Variants in SLC66A3 observed in about 807,000 individuals in gnomAD.
The protein encoded by SLC66A3 is solute carrier family 66 member 3.
Under a neutral mutation model 25.5 loss-of-function variants are expected in SLC66A3, and 23 were observed. That is an observed-to-expected ratio of 0.90 (90% CI 0.65 to 1.28). The LOEUF (loss-of-function observed/expected upper bound fraction) is 1.28. Ranked by LOEUF, SLC66A3 falls within the 50% of genes most tolerant of loss-of-function variation. The probability of loss-of-function intolerance (pLI) is 0.00; values close to 1 mark genes in which losing one functional copy is unlikely to be tolerated. For synonymous variants in SLC66A3, 108 were observed against 112.6 expected (o/e 0.96, Z 0.26); for missense variants, 246 against 262.1 (o/e 0.94, Z 0.42).
chr2:11,158,332 A>G (rs565555765), intron 1 of SLC66A3, among the ~76,000 whole-genome samples: 1 of 150,240 alleles, frequency 6.7e-6, no homozygotes, highest in South Asian at 2.1e-4. Flanking sequence ...AGCCTTGCCA[A>G]CATGGTGAAA....
intron 1 of SLC66A3, among the ~76,000 whole-genome samples, chr2:11,157,112 C>T (rs1257351482): frequency 6.6e-6 from 1 of 152,204 alleles, no homozygotes; most frequent in East Asian, 1.9e-4. Context: ...CCTGCATTTC[C>T]ACCACTTTTG....
In SLC66A3 at chr2:11,178,000, T is replaced by TA; in HGVS notation, c.*173dup. 8.7e-6 allele frequency: 5 copies of TA among 575,418 alleles called. No individual in the cohort carries two copies. Among genetic ancestry groups the TA allele is most frequent in the Non-Finnish European group, 3.0e-6 (1 of 327,884 alleles). The allele number at this position is 575,418 out of a possible 1,614,324, so 35.6% of individuals were successfully genotyped here. The stretch of plus-strand genomic sequence containing the variant: ...AGCCACTTAAATTCTTGTTTAAAAA[T>TA]ACCAATTTGCCTCCTCCTTCCTCAC... On this transcript the variant is annotated 3_prime_UTR_variant, in exon 7 of 7. Coordinates refer to ENST00000295083, the MANE Select transcript of SLC66A3 (RefSeq NM_152391.5).
chr2:11,170,341 TTTCAGC>T (rs1226977384), intron 4 of SLC66A3, among the ~76,000 whole-genome samples: 1 of 152,006 alleles, frequency 6.6e-6, no homozygotes, highest in Non-Finnish European at 1.5e-5. Flanking sequence ...GAGACTGGAG[TTTCAGC>T]TGCTGAAGAG....
At chr2:11,173,797 A>T (rs1458340199) in intron 5 of SLC66A3, among the ~76,000 whole-genome samples, 14 of 152,224 alleles carry the variant, frequency 9.2e-5, no homozygotes, top group Middle Eastern at 3.4e-3. Flanking sequence ...TTAAACTGTT[A>T]CTCCAATTTC....
At chr2:11,164,822 C>T (rs1344390111) in intron 4 of SLC66A3, among the ~76,000 whole-genome samples, 1 of 152,144 alleles carries the variant, frequency 6.6e-6, no homozygotes, top group Non-Finnish European at 1.5e-5. Context: ...TGAGTGGACA[C>T]AGCACATGTT....
At chr2:11,159,099 A>G (rs1662020338) in intron 1 of SLC66A3, among the ~76,000 whole-genome samples, 1 of 152,208 alleles carries the variant, frequency 6.6e-6, no homozygotes, top group African/African-American at 2.4e-5. Flanking sequence ...TGACATCCCC[A>G]GGTTCTCAGG....
Position 11,164,327 on chromosome 2 carries a change from TTA to T in SLC66A3, c.354+84_354+85del, listed in dbSNP as rs1161882465. 6.1e-4 allele frequency: 108 copies of T among 176,070 alleles called. 1 individual carries two copies. The highest frequency in any genetic ancestry group is 5.2e-3 in the Middle Eastern group (4 of 770). 10.9% of individuals were successfully genotyped at this position (176,070 alleles called of 1,614,324 possible). A position where few individuals can be genotyped will look rare whatever the true frequency, so the allele number is the denominator to read the frequency against. ...ACCTTGGAGAGAACTTGATAGATAT[TTA>T]TATATATATATATATATTTTTTTTT... On this transcript the variant is annotated intron_variant, in intron 4 of 6. Coordinates refer to ENST00000295083, the MANE Select transcript of SLC66A3 (RefSeq NM_152391.5).
Position 11,155,639 on chromosome 2 carries a change from GCGCAGCGCGCGGGGCCTCAGC to G in SLC66A3, c.95_115del (p.Arg32_Ser38del). On this transcript the variant is annotated inframe_deletion, in exon 1 of 7. Coordinates refer to ENST00000295083, the MANE Select transcript of SLC66A3 (RefSeq NM_152391.5). ...CGCAGATCTCCGCTGTGCTAGCGGC[GCGCAGCGCGCGGGGCCTCAGC>G]CTTCCGAGTTTACTTCTGGAGCTGG... 1.3e-6 allele frequency: 2 copies of G among 1,511,678 alleles called. No individual in the cohort carries two copies. Among genetic ancestry groups the G allele is most frequent in the Non-Finnish European group, 1.8e-6 (2 of 1,141,030 alleles). 93.6% of individuals were successfully genotyped at this position (1,511,678 alleles called of 1,614,324 possible). A position where few individuals can be genotyped will look rare whatever the true frequency, so the allele number is the denominator to read the frequency against.
At chr2:11,177,699 TAA>T (rs1662810716) in intron 6 of SLC66A3, 36 bp from the exon 7 acceptor site, 1 of 1,384,850 alleles carries the variant, frequency 7.2e-7, no homozygotes, top group African/African-American at 1.4e-5. Flanking sequence ...GTCTGTATTG[TAA>T]AGACAGTTTT....
intron 3 of SLC66A3, among the ~76,000 whole-genome samples, chr2:11,162,278 T>C (rs1232942436): frequency 6.6e-6 from 1 of 152,222 alleles, no homozygotes; most frequent in Non-Finnish European, 1.5e-5. Context: ...TGCCTCAGTT[T>C]CTGTCTGCGG....
At chr2:11,165,775 A>G (rs923491196) in intron 4 of SLC66A3, among the ~76,000 whole-genome samples, 1 of 152,244 alleles carries the variant, frequency 6.6e-6, no homozygotes, top group Non-Finnish European at 1.5e-5. Context: ...GCACCTCGGG[A>G]GGCCGAGGCT....
chr2:11,172,290 A>G (rs1056189068), intron 5 of SLC66A3, among the ~76,000 whole-genome samples: 28 of 152,320 alleles, frequency 1.8e-4, no homozygotes, highest in African/African-American at 6.7e-4. Flanking sequence ...TTTCTCCAAA[A>G]ACCTGGCCTG....
chr2:11,155,689 G>C lies in SLC66A3; in HGVS notation c.143G>C (p.Gly48Ala). Residue 48 changes from glycine to alanine, a missense_variant and splice_region_variant, in exon 1 of 7, where the codon GGA (glycine) becomes GCA (alanine). This residue lies in a region of SLC66A3 where 142 missense variants were observed against 130.3 expected (regional missense o/e 1.09). Coordinates refer to ENST00000295083, the MANE Select transcript of SLC66A3 (RefSeq NM_152391.5). ...SLPSLLLELA[G>A]FLVFLRYQCY... ...CCGAGTTTACTTCTGGAGCTGGCAG[G>C]GTAAGGCCCGGGGCGGCCGGGGCTG... 2.1e-6 allele frequency: 3 copies of C among 1,428,062 alleles called. No homozygotes were observed. The highest frequency in any genetic ancestry group is 1.5e-5 in the South Asian group (1 of 67,686). 88.5% of individuals were successfully genotyped at this position (1,428,062 alleles called of 1,614,324 possible). A position where few individuals can be genotyped will look rare whatever the true frequency, so the allele number is the denominator to read the frequency against.
At chr2:11,162,913 T>C (rs905557746) in intron 3 of SLC66A3, among the ~76,000 whole-genome samples, 1 of 152,226 alleles carries the variant, frequency 6.6e-6, no homozygotes, top group African/African-American at 2.4e-5. Flanking sequence ...GCCTAATGAA[T>C]ACTTTTAAAT....
chr2:11,168,985 G>A (rs1024096957), intron 4 of SLC66A3, among the ~76,000 whole-genome samples: 3 of 151,974 alleles, frequency 2.0e-5, no homozygotes, highest in African/African-American at 7.3e-5. Flanking sequence ...AGCCTCCTGA[G>A]TAGCTGGGAC....
chr2:11,174,642 G>A (rs906954823), intron 5 of SLC66A3, among the ~76,000 whole-genome samples: 8 of 151,740 alleles, frequency 5.3e-5, no homozygotes, highest in East Asian at 3.9e-4. Context: ...GATTACAGGC[G>A]CCCGCCACTA....
intron 5 of SLC66A3, among the ~76,000 whole-genome samples, chr2:11,174,747 A>C (rs917085344): frequency 6.6e-6 from 1 of 152,294 alleles, no homozygotes; most frequent in East Asian, 1.9e-4. Context: ...GTGATCCGGC[A>C]TGGCTAGTTT....
At chr2:11,166,126 G>A (rs951892253) in intron 4 of SLC66A3, among the ~76,000 whole-genome samples, 9 of 152,142 alleles carry the variant, frequency 5.9e-5, no homozygotes, top group African/African-American at 1.2e-4. Flanking sequence ...CACACGCCTC[G>A]GCCTCCCAAA....
intron 4 of SLC66A3, among the ~76,000 whole-genome samples, chr2:11,168,263 T>A (rs528753619): frequency 1.3e-5 from 2 of 150,174 alleles, no homozygotes; most frequent in African/African-American, 4.9e-5. Flanking sequence ...CCAGCCTGGG[T>A]GACAGCAAGA....
Sources: allele counts gnomAD v4.1 joint callset (sites outside exome capture counted in the v4.1 genomes callset), GRCh38; gene constraint gnomAD v4.1.1; regional missense constraint gnomAD v4.1.1; transcripts MANE v1.5; gene names NCBI Gene and HGNC (gene_info 2026-07-23, HGNC 2026-07-21).